The following PLEKHA5 variants were observed in gnomAD, a reference collection of about 807,000 sequenced individuals.
The protein encoded by PLEKHA5 is pleckstrin homology domain-containing family A member 5.
Under a neutral mutation model 181.9 loss-of-function variants are expected in PLEKHA5, and 55 were observed. The ratio of observed to expected loss-of-function variants is 0.30; its 90% CI spans 0.24 to 0.38. The LOEUF is 0.38. Among genes scored for constraint, PLEKHA5 ranks in the 10% least tolerant of loss-of-function variants. The pLI is 1.00. For synonymous variants in PLEKHA5, 535 were observed against 529.4 expected, an observed-to-expected ratio of 1.01 and a Z score of -0.15; for missense variants, 1,432 against 1,549.5, an observed-to-expected ratio of 0.92 and a Z score of 1.27.
Position 19,274,904 on chromosome 12 carries a change from C to G in PLEKHA5, c.1234C>G (p.Gln412Glu). 6.2e-7 allele frequency: 1 copy of G among 1,613,884 alleles called. No homozygotes were observed. The highest frequency in any genetic ancestry group is 8.5e-7 in the Non-Finnish European group (1 of 1,180,010). The change falls in exon 11 of 32, where the codon CAG becomes GAG. Residue 412 changes from glutamine (Q) to glutamate (E), a missense_variant. Coordinates refer to ENST00000429027, the MANE Select transcript of PLEKHA5 (RefSeq NM_001256470.2). ...PLYTEADRVI[Q>E]RTNSMQQLEQ... The stretch of plus-strand genomic sequence containing the variant: ...ATACACAGAGGCCGATCGAGTCATA[C>G]AGAGAACAAATTCAATGCAGCAGTT...
rs749201941 is a variant in PLEKHA5, at chr12:19,320,023, C to T, written c.2121C>T (p.Phe707=). Residue 707 remains phenylalanine, a splice_region_variant and synonymous_variant, in exon 17 of 32, where the codon TTC becomes TTT. Transcript: ENST00000429027. ...CCTTTTCCTTCATTATCTTTTAGTT[C>T]TTAAGACAGAAGAGCAAGATAAGTC... ...SALRPQLYQQ[F]LRQKSKISLY... is the part of the protein sequence containing the mutation. 69 of 1,334,078 alleles carry T rather than the reference C, an allele frequency of 5.2e-5. No individual in the cohort carries two copies. In the Middle Eastern group the frequency reaches 1.1e-3, roughly 22 times the overall value. The allele number at this position is 1,334,078 out of a possible 1,614,324, so 82.6% of individuals were successfully genotyped here.
chr12:19,132,340 C>T, intron 2 of PLEKHA5, 53 bp from the exon 3 acceptor site: 1 of 864,092 alleles, frequency 1.2e-6, no homozygotes, highest in Non-Finnish European at 1.9e-6. Flanking sequence ...TGGATTGAGA[C>T]TTATTTTGCT....
chr12:19,281,500 C>A (rs936033842), intron 11 of PLEKHA5, among the ~76,000 whole-genome samples: 1 of 151,714 alleles, frequency 6.6e-6, no homozygotes, highest in African/African-American at 2.4e-5. Context: ...TCACTCGAAC[C>A]TGAGAGGCGG....
At chr12:19,302,343 A>G (rs985783188) in intron 15 of PLEKHA5, among the ~76,000 whole-genome samples, 3 of 152,206 alleles carry the variant, frequency 2.0e-5, no homozygotes, top group African/African-American at 7.2e-5. Context: ...CAAGTAAACT[A>G]AGTTACAAGA....
intron 10 of PLEKHA5, among the ~76,000 whole-genome samples, chr12:19,270,729 A>G (rs2072435918): frequency 6.6e-6 from 1 of 152,198 alleles, no homozygotes. Flanking sequence ...GATGCAAGTT[A>G]ATTTTTCTTC....
At chr12:19,261,426 G>A (rs2068464598) in intron 7 of PLEKHA5, among the ~76,000 whole-genome samples, 1 of 151,876 alleles carries the variant, frequency 6.6e-6, no homozygotes, top group South Asian at 2.1e-4. Context: ...ATTATGTAAT[G>A]GCAAATGAAA....
chr12:19,214,971 A>G (rs1476215396), intron 3 of PLEKHA5, among the ~76,000 whole-genome samples: 1 of 152,152 alleles, frequency 6.6e-6, no homozygotes, highest in Non-Finnish European at 1.5e-5. Flanking sequence ...TGAGGTCAGG[A>G]GTTCGAGGCC....
intron 11 of PLEKHA5, among the ~76,000 whole-genome samples, chr12:19,281,833 G>C (rs1201192267): frequency 6.6e-6 from 1 of 152,070 alleles, no homozygotes; most frequent in Non-Finnish European, 1.5e-5. Context: ...CCAGGCTGGA[G>C]TGCACTGGCG....
At chr12:19,241,032 A>G (rs958671181) in intron 3 of PLEKHA5, among the ~76,000 whole-genome samples, 5 of 152,180 alleles carry the variant, frequency 3.3e-5, no homozygotes, top group African/African-American at 1.2e-4. Flanking sequence ...GGATCACATT[A>G]TCAGTGTTCC....
rs193086171 is a variant in PLEKHA5 at position 19,248,714 on chromosome 12, A to G, written c.228-5226A>G. Among the ~76,000 whole-genome samples the G allele has an allele frequency of 2.2e-3, 342 of 152,306 alleles. 1 individual carries two copies. The highest frequency in any genetic ancestry group is 7.9e-3 in the African/African-American group (329 of 41,580). On this transcript the variant is annotated intron_variant, in intron 3 of 31. Transcript: ENST00000429027. Reference sequence around the variant, plus strand: ...TGTATATACACTTTATGATGTTCACACAACTAAAATCACCTAATATATTTT... The same window carrying G: ...TGTATATACACTTTATGATGTTCACGCAACTAAAATCACCTAATATATTTT...
At chr12:19,312,851 C>A (rs1051108450) in intron 15 of PLEKHA5, among the ~76,000 whole-genome samples, 1 of 152,172 alleles carries the variant, frequency 6.6e-6, no homozygotes, top group Admixed American at 6.5e-5. Context: ...TAGTTTTCGG[C>A]CTGTCTCAGC....
chr12:19,200,570 T>C, intron 3 of PLEKHA5: 1 of 1,241,286 alleles, frequency 8.1e-7, no homozygotes. Context: ...TCCTAGTAGA[T>C]CATACCTTGG....
At position 19,257,385 on chromosome 12, in the gene PLEKHA5, C is replaced by T. The variant is rs756407918; in HGVS notation, c.433-48C>T. ...TTTTAAGAGGAAGATAAGCTCAAAT[C>T]TCTAGGCATTAATACCACATTTTCT... On this transcript the variant is annotated intron_variant, in intron 5 of 31. Coordinates refer to ENST00000429027, the MANE Select transcript of PLEKHA5 (RefSeq NM_001256470.2). 12 of 863,014 alleles carry T rather than the reference C, an allele frequency of 1.4e-5. No homozygotes were observed. In the East Asian group the frequency reaches 3.0e-4, roughly 22 times the overall value. The allele number at this position is 863,014 out of a possible 1,614,324, so 53.5% of individuals were successfully genotyped here.
rs2051354422 is a variant in PLEKHA5 at position 19,192,392 on chromosome 12, A to G, written c.227+59942A>G. Among the ~76,000 whole-genome samples the G allele has an allele frequency of 3.3e-5, 5 of 152,150 alleles. No homozygotes were observed. The South Asian group carries it at 1.0e-3, about 31-fold the overall frequency. Reference sequence around the variant, plus strand: ...TTAAGGAGAACCCTAATGAAATTATAAGAATAGAAAATAATTTACTCTTGG... The same window carrying G: ...TTAAGGAGAACCCTAATGAAATTATGAGAATAGAAAATAATTTACTCTTGG... On this transcript the variant is annotated intron_variant, in intron 3 of 31. Transcript: ENST00000429027.
At chr12:19,192,105 T>C (rs911122542) in intron 3 of PLEKHA5, among the ~76,000 whole-genome samples, 5 of 152,158 alleles carry the variant, frequency 3.3e-5, no homozygotes, top group Non-Finnish European at 7.3e-5. Context: ...TATTAACAAT[T>C]GACTTGAATT....
chr12:19,349,927 A>G (rs1030874418), intron 25 of PLEKHA5, among the ~76,000 whole-genome samples: 4 of 152,128 alleles, frequency 2.6e-5, no homozygotes, highest in Admixed American at 1.3e-4. Context: ...CCTGGCTAAC[A>G]TGGTGAAACC....
intron 3 of PLEKHA5, chr12:19,150,679 A>G (rs2040164781): frequency 1.3e-5 from 2 of 152,246 alleles, no homozygotes; most frequent in East Asian, 3.8e-4. Context: ...GCAGTTTGTT[A>G]AAATACAGTG....
chr12:19,210,832 GTA>G (rs1420490442), intron 3 of PLEKHA5, among the ~76,000 whole-genome samples: 1 of 152,082 alleles, frequency 6.6e-6, no homozygotes, highest in African/African-American at 2.4e-5. Flanking sequence ...CTTAATCAGT[GTA>G]TATGTTTCCT....
chr12:19,248,585 C>T (rs542378239), intron 3 of PLEKHA5, among the ~76,000 whole-genome samples: 7 of 152,120 alleles, frequency 4.6e-5, no homozygotes, highest in South Asian at 2.1e-4. Flanking sequence ...CAGTAACATG[C>T]GTTACCTGTT....
Sources: allele counts gnomAD v4.1 joint callset (sites outside exome capture counted in the v4.1 genomes callset), GRCh38; gene constraint gnomAD v4.1.1; transcripts MANE v1.5; gene names NCBI Gene and HGNC (gene_info 2026-07-23, HGNC 2026-07-21).